KDM7A: variants seen among roughly 807,000 people sequenced by gnomAD.
KDM7A encodes lysine demethylase 7A.
Under a neutral mutation model 114.8 loss-of-function variants are expected in KDM7A, and 28 were observed. The observed-to-expected ratio is 0.24, with a 90% CI of 0.18 to 0.33. KDM7A has a LOEUF of 0.33. Among genes scored for constraint, KDM7A ranks in the 10% least tolerant of loss-of-function variants. KDM7A has a pLI of 1.00. For synonymous variants in KDM7A, 423 were observed against 397.8 expected, an observed-to-expected ratio of 1.06 and a Z score of -0.75; for missense variants, 942 against 1,142.5, an observed-to-expected ratio of 0.82 and a Z score of 2.53.
At chr7:140,149,495 A>C (rs1298017888) in intron 1 of KDM7A, among the ~76,000 whole-genome samples, 2 of 152,216 alleles carry the variant, frequency 1.3e-5, no homozygotes, top group Non-Finnish European at 2.9e-5. Context: ...ACATTTCTGA[A>C]ATATTCAAGA....
Position 140,086,781 on chromosome 7 carries a change from C to A in KDM7A, c.*4313G>T, listed in dbSNP as rs2116725052. ...GGGTTACCTGTGTCTCCTTTATTTA[C>A]CAGCGACACTCTGTCTAGGCTAAAG... On this transcript the variant is annotated 3_prime_UTR_variant, in exon 20 of 20. Transcript: ENST00000397560. 6.6e-6 allele frequency: 1 copy of A among 152,200 alleles called. No homozygotes were observed. Among genetic ancestry groups the A allele is most frequent in the East Asian group, 1.9e-4 (1 of 5,178 alleles). 9.4% of individuals were successfully genotyped at this position (152,200 alleles called of 1,614,324 possible). A position where few individuals can be genotyped will look rare whatever the true frequency, so the allele number is the denominator to read the frequency against.
intron 1 of KDM7A, among the ~76,000 whole-genome samples, chr7:140,147,010 C>A (rs969914917): frequency 1.3e-5 from 2 of 152,088 alleles, no homozygotes; most frequent in African/African-American, 4.8e-5. Flanking sequence ...AGATACTCTC[C>A]CCATTCTTCA....
intron 1 of KDM7A, among the ~76,000 whole-genome samples, chr7:140,174,171 A>C (rs1402546461): frequency 6.6e-6 from 1 of 152,052 alleles, no homozygotes; most frequent in Non-Finnish European, 1.5e-5. Flanking sequence ...CTCCAAAAAA[A>C]AAAAAAAGAA....
intron 1 of KDM7A, among the ~76,000 whole-genome samples, chr7:140,145,479 A>G (rs564858052): frequency 5.3e-5 from 8 of 152,352 alleles, no homozygotes; most frequent in Non-Finnish European, 1.0e-4. Context: ...AGCATCATCT[A>G]TAACAGTGAT....
Position 140,127,555 on chromosome 7 carries a change from A to G in KDM7A, c.588T>C (p.Asp196=), listed in dbSNP as rs1460800418. 3.7e-6 allele frequency: 6 copies of G among 1,614,006 alleles called. No individual in the cohort carries two copies. The highest frequency in any genetic ancestry group is 5.1e-6 in the Non-Finnish European group (6 of 1,179,910). ...VGGDKVIDVI[D]VARQADSKMT... ...TTTTGCTGTCTGCCTGCCTCGCCAC[A>G]TCAATGACATCTATCACTTTGTCAC... Residue 196 remains aspartate, a synonymous_variant, in exon 5 of 20, where the codon GAT becomes GAC. Transcript: ENST00000397560.
chr7:140,115,189 C>T (rs1818505703), intron 9 of KDM7A, among the ~76,000 whole-genome samples: 2 of 148,618 alleles, frequency 1.3e-5, no homozygotes, highest in South Asian at 4.3e-4. Context: ...GCAGCCCCCA[C>T]CCAGCCAGCC....
chr7:140,104,933 T>C (rs1011465099), intron 11 of KDM7A, among the ~76,000 whole-genome samples: 1 of 152,202 alleles, frequency 6.6e-6, no homozygotes, highest in Non-Finnish European at 1.5e-5. Flanking sequence ...CATGGAATGT[T>C]CTTCCATTTG....
At chr7:140,092,113 A>G in intron 18 of KDM7A, 36 bp from the exon 19 acceptor site, 2 of 1,608,406 alleles carry the variant, frequency 1.2e-6, no homozygotes, top group South Asian at 2.2e-5. Flanking sequence ...CTGAATTTTT[A>G]GGGTTTAAAT....
intron 1 of KDM7A, among the ~76,000 whole-genome samples, chr7:140,152,066 T>C (rs962585930): frequency 2.0e-5 from 3 of 152,126 alleles, no homozygotes; most frequent in African/African-American, 7.2e-5. Flanking sequence ...CTTTCTCATC[T>C]CATAAATAGT....
In KDM7A at chr7:140,091,206, G is replaced by A. The variant is rs756764751; in HGVS notation, c.2732-18C>T. ...ACGTTTACCTATAAAACACCAAAAG[G>A]GAGTGTAAGTAATGATGAAAAGTAC... is the stretch of plus-strand genomic sequence containing the variant. On this transcript the variant is annotated intron_variant, in intron 19 of 19. Transcript: ENST00000397560. 5.2e-6 allele frequency: 8 copies of A among 1,537,344 alleles called. No individual in the cohort carries two copies. Among genetic ancestry groups the A allele is most frequent in the Non-Finnish European group, 7.2e-6 (8 of 1,109,972 alleles).
rs1817897694 is a variant in KDM7A, at chr7:140,084,908, GA to G, written c.*6185del. Reference sequence around the variant, plus strand: ...TCAATATTTTAAAATACAGAAATTGGAAAGAATACTAAATACAACTTTAAAC... The same window carrying G: ...TCAATATTTTAAAATACAGAAATTGGAAGAATACTAAATACAACTTTAAAC... On this transcript the variant is annotated 3_prime_UTR_variant, in exon 20 of 20. Transcript: ENST00000397560. 6.6e-6 allele frequency: 1 copy of G among 152,116 alleles called. No homozygotes were observed. Among genetic ancestry groups the G allele is most frequent in the Non-Finnish European group, 1.5e-5 (1 of 68,016 alleles). 9.4% of individuals were successfully genotyped at this position (152,116 alleles called of 1,614,324 possible).
intron 1 of KDM7A, among the ~76,000 whole-genome samples, chr7:140,155,032 C>T (rs938281778): frequency 6.6e-6 from 1 of 152,158 alleles, no homozygotes; most frequent in East Asian, 1.9e-4. Context: ...CAAGCATTTA[C>T]TGACTACTAA....
chr7:140,129,474 A>G lies in KDM7A; in HGVS notation c.559+19T>C. 1.3e-6 allele frequency: 2 copies of G among 1,595,450 alleles called. No individual in the cohort carries two copies. Among genetic ancestry groups the G allele is most frequent in the Non-Finnish European group, 1.7e-6 (2 of 1,165,568 alleles). The stretch of plus-strand genomic sequence containing the variant: ...TTTTACCATGTTTTCCCAGGTACTT[A>G]AAGAAATAAAGTTCGTACCTACATA... On this transcript the variant is annotated intron_variant, in intron 4 of 19. Transcript: ENST00000397560.
intron 1 of KDM7A, among the ~76,000 whole-genome samples, chr7:140,153,319 T>A (rs1372782603): frequency 6.6e-6 from 1 of 151,562 alleles, no homozygotes; most frequent in Admixed American, 6.6e-5. Flanking sequence ...AACCCGTCTC[T>A]ACTGAAAATA....
In KDM7A at chr7:140,127,976, CTT is replaced by C. The variant is rs535246096; in HGVS notation, c.560-395_560-394del. ...CTCAGGCATAAAATGAGGAGACTGA[CTT>C]TTCCCTTTCACTTTTGTAACACCTA... is the stretch of plus-strand genomic sequence containing the variant. On this transcript the variant is annotated intron_variant, in intron 4 of 19. Coordinates refer to ENST00000397560, the MANE Select transcript of KDM7A (RefSeq NM_030647.2). Among the ~76,000 whole-genome samples the C allele has an allele frequency of 1.1e-3, 161 of 152,218 alleles. 2 individuals are homozygous for C. The highest frequency in any genetic ancestry group is 3.7e-3 in the African/African-American group (154 of 41,548).
At chr7:140,145,008 T>G (rs1794325239) in intron 1 of KDM7A, among the ~76,000 whole-genome samples, 1 of 152,212 alleles carries the variant, frequency 6.6e-6, no homozygotes, top group South Asian at 2.1e-4. Flanking sequence ...CCACGCTTCC[T>G]GTACAGCCAT....
chr7:140,160,191 T>C (rs1472623186), intron 1 of KDM7A, among the ~76,000 whole-genome samples: 1 of 152,002 alleles, frequency 6.6e-6, no homozygotes. Context: ...TAAAGAAAAA[T>C]ATTAAATAAG....
rs1314634513 is a variant in KDM7A, at chr7:140,089,050, G to GT, written c.*2043dup. 1 of 152,022 alleles carries GT rather than the reference G, an allele frequency of 6.6e-6. No homozygotes were observed. The allele number at this position is 152,022 out of a possible 1,614,324, so 9.4% of individuals were successfully genotyped here. On this transcript the variant is annotated 3_prime_UTR_variant, in exon 20 of 20. Coordinates refer to ENST00000397560, the MANE Select transcript of KDM7A (RefSeq NM_030647.2). ...AACCCAAAATAAAAACATGACTATT[G>GT]TAACACCGACTCAGGATCTACAGAA... is the stretch of plus-strand genomic sequence containing the variant.
chr7:140,099,741 G>C (rs915912999), intron 13 of KDM7A, among the ~76,000 whole-genome samples, 158 bp downstream of exon 13: 1 of 152,176 alleles, frequency 6.6e-6, no homozygotes, highest in South Asian at 2.1e-4. Context: ...GATATGAGGT[G>C]CAACAGTTTA....
Sources: gnomAD v4.1 joint callset for allele counts (sites outside exome capture counted in the v4.1 genomes callset) on GRCh38, gnomAD v4.1.1 for gene constraint, MANE v1.5 for transcripts, NCBI Gene and HGNC (gene_info 2026-07-23, HGNC 2026-07-21) for gene names.